Variants in PUDP observed in about 807,000 individuals in gnomAD.
The protein encoded by PUDP is pseudouridine 5'-phosphatase, also known as pseudouridine-5'-phosphatase.
In PUDP, 8 loss-of-function variants were observed where a neutral mutation model predicts 9.4. The observed-to-expected ratio is 0.85, with a 90% CI of 0.50 to 1.53. The LOEUF is 1.53. PUDP is among the 40% of genes most tolerant of loss of function. The pLI is 0.00. For missense variants in PUDP, 188 were observed against 189.7 expected, an observed-to-expected ratio of 0.99 and a Z score of 0.05; for synonymous variants, 99 against 80.7, an observed-to-expected ratio of 1.23 and a Z score of -1.22.
chrX:6,781,489 A>G (rs1326020954), intron 3 of PUDP, among the ~76,000 whole-genome samples: 1 of 111,795 alleles, frequency 8.9e-6, no homozygotes, highest in Non-Finnish European at 1.9e-5. Flanking sequence ...TAATTCATGG[A>G]CAAACAAGGA....
intron 1 of PUDP, among the ~76,000 whole-genome samples, chrX:6,983,661 C>G (rs1929067262): frequency 9.0e-6 from 1 of 111,682 alleles, no homozygotes; most frequent in African/African-American, 3.3e-5. Flanking sequence ...TATTAAATTC[C>G]TTCCCAAAGC....
At chrX:6,808,601 A>C (rs1458226448) in intron 3 of PUDP, among the ~76,000 whole-genome samples, 1 of 111,640 alleles carries the variant, frequency 9.0e-6, no homozygotes, top group East Asian at 2.8e-4. Context: ...TACCATGGTC[A>C]GAATAAGGGA....
chrX:6,805,061 G>A (rs755045640), intron 3 of PUDP, among the ~76,000 whole-genome samples: 1 of 110,958 alleles, frequency 9.0e-6, no homozygotes, highest in Non-Finnish European at 1.9e-5. Context: ...GAGGCCAGGA[G>A]CTCCAGACCA....
intron 3 of PUDP, among the ~76,000 whole-genome samples, chrX:6,924,241 C>T (rs1038521767): frequency 9.0e-6 from 1 of 111,535 alleles, no homozygotes; most frequent in Admixed American, 9.6e-5. Context: ...CAGTGAGCCC[C>T]AGAATGACAT....
intron 1 of PUDP, among the ~76,000 whole-genome samples, chrX:7,008,758 T>C (rs1929437530): frequency 8.9e-6 from 1 of 112,296 alleles, no homozygotes; most frequent in Non-Finnish European, 1.9e-5. Flanking sequence ...GGAAAAGTCC[T>C]GCGTTTGAAG....
chrX:6,751,765 G>C (rs765439828), intron 3 of PUDP, among the ~76,000 whole-genome samples: 93 of 111,446 alleles, frequency 8.3e-4, no homozygotes, highest in South Asian at 1.5e-3. Flanking sequence ...GATATTTTGA[G>C]TGCAAAAACC....
At chrX:6,752,795 TA>T (rs1925117855) in intron 3 of PUDP, among the ~76,000 whole-genome samples, 1 of 111,664 alleles carries the variant, frequency 9.0e-6, no homozygotes, top group Non-Finnish European at 1.9e-5. Flanking sequence ...AAGATATTAT[TA>T]AGCAATCAAG....
chrX:7,125,166 C>T (rs1932452019), intron 1 of PUDP, among the ~76,000 whole-genome samples: 1 of 111,583 alleles, frequency 9.0e-6, no homozygotes, highest in Non-Finnish European at 1.9e-5. Context: ...AAAAACAGCA[C>T]AGTATAGTCC....
chrX:6,808,222 A>G, intron 3 of PUDP, among the ~76,000 whole-genome samples: 1 of 111,805 alleles, frequency 8.9e-6, no homozygotes, highest in South Asian at 3.8e-4. Context: ...AATGGCATGC[A>G]TGGCATATGA....
chrX:6,958,048 A>C (rs775398743), intron 3 of PUDP, among the ~76,000 whole-genome samples: 1 of 112,281 alleles, frequency 8.9e-6, no homozygotes, highest in East Asian at 2.8e-4. Flanking sequence ...TTTACTTCCT[A>C]CAGAAAGGGT....
intron 2 of PUDP, among the ~76,000 whole-genome samples, chrX:7,098,901 G>T (rs1931650247): frequency 9.1e-6 from 1 of 110,282 alleles, no homozygotes; most frequent in South Asian, 3.9e-4. Context: ...AGATGCAGGG[G>T]AGAGCCGGCC....
intron 3 of PUDP, among the ~76,000 whole-genome samples, chrX:6,926,396 G>C (rs748019291): frequency 2.7e-5 from 3 of 111,957 alleles, no homozygotes; most frequent in Non-Finnish European, 5.6e-5. Flanking sequence ...AAACACAAAG[G>C]AGGCACGAAT....
chrX:6,811,985 A>G (rs1384847422), intron 3 of PUDP, among the ~76,000 whole-genome samples: 2 of 112,502 alleles, frequency 1.8e-5, no homozygotes, highest in East Asian at 2.8e-4. Flanking sequence ...AATAGAAGGT[A>G]CCAGGGGATG....
At chrX:6,959,493 G>A (rs144867567) in intron 3 of PUDP, among the ~76,000 whole-genome samples, 3,427 of 112,376 alleles carry the variant, frequency 0.03, 64 homozygotes, top group African/African-American at 0.07. Context: ...GAATGCAAGC[G>A]CTGTGCAGGC....
chrX:6,767,191 T>C (rs1316632775), intron 3 of PUDP, among the ~76,000 whole-genome samples: 4 of 113,338 alleles, frequency 3.5e-5, no homozygotes, highest in African/African-American at 1.3e-4. Context: ...TGGAATTATT[T>C]AGCGTAGCTA....
intron 3 of PUDP, among the ~76,000 whole-genome samples, chrX:7,069,746 G>T (rs1040832061): frequency 2.2e-4 from 24 of 111,482 alleles, no homozygotes; most frequent in Non-Finnish European, 4.5e-4. Flanking sequence ...ATGCTCAGGA[G>T]TTTCACAACC....
At chrX:6,917,297 G>T (rs1437435191) in intron 3 of PUDP, among the ~76,000 whole-genome samples, 1 of 110,021 alleles carries the variant, frequency 9.1e-6, no homozygotes, top group Non-Finnish European at 1.9e-5. Flanking sequence ...AACCCAGGAG[G>T]TCGAAAGTAC....
intron 3 of PUDP, among the ~76,000 whole-genome samples, chrX:6,921,976 T>C (rs1928030957): frequency 1.8e-5 from 2 of 111,255 alleles, no homozygotes; most frequent in African/African-American, 6.5e-5. Flanking sequence ...TGAATATGGT[T>C]GGAAAAAAAC....
intron 1 of PUDP, among the ~76,000 whole-genome samples, chrX:7,134,619 T>C (rs1296551579): frequency 8.9e-6 from 1 of 112,045 alleles, no homozygotes; most frequent in Non-Finnish European, 1.9e-5. Flanking sequence ...TGGCAAAAAG[T>C]AAGCTAGACC....
Sources: allele counts gnomAD v4.1 joint callset (sites outside exome capture counted in the v4.1 genomes callset), GRCh38; gene constraint gnomAD v4.1.1; transcripts MANE v1.5; gene names NCBI Gene and HGNC (gene_info 2026-07-23, HGNC 2026-07-21).